CRYL1: variants seen among roughly 807,000 people sequenced by gnomAD.
CRYL1 encodes lambda-crystallin homolog.
In CRYL1, 29 loss-of-function variants were observed where a neutral mutation model predicts 36.6. The observed-to-expected ratio is 0.79, with a 90% CI of 0.59 to 1.08. CRYL1 has a LOEUF of 1.08. CRYL1 is among the 50% of genes least tolerant of loss of function. The probability of loss-of-function intolerance (pLI) is 0.00; values close to 1 mark genes in which losing one functional copy is unlikely to be tolerated. For synonymous variants in CRYL1, 152 were observed against 151.5 expected (o/e 1.00, Z -0.02); for missense variants, 411 against 407.9 (o/e 1.01, Z -0.06).
intron 6 of CRYL1, among the ~76,000 whole-genome samples, chr13:20,410,379 G>A (rs894743449): frequency 7.6e-6 from 1 of 130,728 alleles, no homozygotes; most frequent in South Asian, 2.6e-4. Flanking sequence ...TCTGGGGACT[G>A]TAGTGGGGTG....
chr13:20,435,639 G>A lies in CRYL1; in HGVS notation c.439-3343C>T, dbSNP rs1044452645. On this transcript the variant is annotated intron_variant, in intron 4 of 7. Transcript: ENST00000298248. This position sits in a 1 kb window ranked among gnomAD's most constrained non-coding sequence, Gnocchi z 4.0. ...AAACCTTCCATGTGGGAGTGTGCGA[G>A]GTGGACTCGGAAACACGCCCCCGAA... Among the ~76,000 whole-genome samples the A allele has an allele frequency of 6.6e-6, 1 of 152,158 alleles. No homozygotes were observed. The highest frequency in any genetic ancestry group is 2.4e-5 in the African/African-American group (1 of 41,456).
At chr13:20,417,323 G>A (rs934535505) in intron 5 of CRYL1, among the ~76,000 whole-genome samples, 7 of 152,200 alleles carry the variant, frequency 4.6e-5, no homozygotes, top group East Asian at 1.9e-4. Context: ...ATAAATAATC[G>A]CAGCAGCATG....
At chr13:20,413,492 C>T (rs893907221) in intron 5 of CRYL1, 105 bp from the exon 6 acceptor site, 5 of 687,496 alleles carry the variant, frequency 7.3e-6, no homozygotes, top group African/African-American at 7.1e-5. Flanking sequence ...AAATCTTCTC[C>T]AAAGCACTAT....
chr13:20,506,756 A>G (rs1211794389), intron 2 of CRYL1, among the ~76,000 whole-genome samples: 1 of 152,216 alleles, frequency 6.6e-6, no homozygotes, highest in Non-Finnish European at 1.5e-5. Flanking sequence ...TGAAATGATA[A>G]CAGAATTGAA....
At chr13:20,505,381 A>AAAAAAAAAAAAAAAAAAAAAAAAAT (rs1292225610) in intron 2 of CRYL1, among the ~76,000 whole-genome samples, 2 of 138,840 alleles carry the variant, frequency 1.4e-5, no homozygotes, top group African/African-American at 5.4e-5. Flanking sequence ...AAAAAAAAAA[A>AAAAAAAAAAAAAAAAAAAAAAAAAT]ATCAGAATAT....
intron 2 of CRYL1, among the ~76,000 whole-genome samples, chr13:20,511,318 C>T (rs1333709928): frequency 2.0e-5 from 3 of 152,070 alleles, no homozygotes; most frequent in Non-Finnish European, 4.4e-5. Context: ...TCTTGAACTC[C>T]TGGCCTCAAA....
chr13:20,452,115 A>G (rs902926228), intron 3 of CRYL1, among the ~76,000 whole-genome samples: 1 of 152,182 alleles, frequency 6.6e-6, no homozygotes, highest in African/African-American at 2.4e-5. Flanking sequence ...TGGCAACCAC[A>G]GATACCAGGG....
intron 2 of CRYL1, among the ~76,000 whole-genome samples, chr13:20,507,842 T>C (rs925510978): frequency 9.6e-5 from 14 of 145,964 alleles, no homozygotes; most frequent in East Asian, 6.1e-4. Flanking sequence ...GGCATGAACC[T>C]GGGAGGCGGA....
At position 20,435,833 on chromosome 13, in the gene CRYL1, G is replaced by T. The variant is rs1038819168; in HGVS notation, c.439-3537C>A. 2.0e-5 allele frequency among the ~76,000 whole-genome samples: 3 copies of T among 152,144 alleles called. No homozygotes were observed. Among genetic ancestry groups the T allele is most frequent in the Non-Finnish European group, 4.4e-5 (3 of 68,014 alleles). On this transcript the variant is annotated intron_variant, in intron 4 of 7. Transcript: ENST00000298248. The surrounding 1 kb of genome is among the most constrained non-coding windows in gnomAD (Gnocchi z 4.0). ...CCCCCGCTCCGGGAGCAACCAAAAC[G>T]GCGAGGCCCACAGGGCCGACAGCGC...
chr13:20,509,693 C>T (rs1430506472), intron 2 of CRYL1, among the ~76,000 whole-genome samples: 9 of 151,904 alleles, frequency 5.9e-5, no homozygotes, highest in Admixed American at 2.6e-4. Flanking sequence ...TTTGGGAGGC[C>T]GAGGCGGGTG....
chr13:20,517,885 G>C (rs1415163523), intron 1 of CRYL1, among the ~76,000 whole-genome samples: 2 of 140,446 alleles, frequency 1.4e-5, no homozygotes, highest in African/African-American at 5.3e-5. Context: ...GCAGTGAGCC[G>C]AGATCACACC....
intron 5 of CRYL1, among the ~76,000 whole-genome samples, chr13:20,420,695 T>G (rs1418205292): frequency 1.1e-5 from 1 of 88,962 alleles, no homozygotes; most frequent in Non-Finnish European, 2.4e-5. Flanking sequence ...TTCTTTAAAA[T>G]AGAGGTTGTG....
At chr13:20,412,129 C>A (rs1210743320) in intron 6 of CRYL1, among the ~76,000 whole-genome samples, 3 of 152,128 alleles carry the variant, frequency 2.0e-5, no homozygotes, top group African/African-American at 4.8e-5. Flanking sequence ...CCCTTTTCAG[C>A]TTACCCACTT....
chr13:20,522,911 CTTTTTTT>C (rs386378385), intron 1 of CRYL1, among the ~76,000 whole-genome samples: 2 of 82,956 alleles, frequency 2.4e-5, no homozygotes, highest in East Asian at 4.2e-4. Context: ...CCCATTTCTA[CTTTTTTT>C]TTTTTTTTTT....
At chr13:20,473,336 T>A (rs1227435284) in intron 3 of CRYL1, among the ~76,000 whole-genome samples, 1 of 152,232 alleles carries the variant, frequency 6.6e-6, no homozygotes, top group African/African-American at 2.4e-5. Context: ...GAGACAGCTA[T>A]ATTTTATGTG....
chr13:20,428,762 G>A lies in CRYL1; in HGVS notation c.633+3340C>T, dbSNP rs971854321. ...TGATTTGTGCAGAGCTGCCTCACCT[G>A]CAGATGGCAGGGGTGGCAGGGAACG... On this transcript the variant is annotated intron_variant, in intron 5 of 7. Coordinates refer to ENST00000298248, the MANE Select transcript of CRYL1 (RefSeq NM_015974.3). Among the ~76,000 whole-genome samples, 9 of 152,196 alleles carry A rather than the reference G, an allele frequency of 5.9e-5. 1 individual carries two copies. The highest frequency in any genetic ancestry group is 1.0e-4 in the Non-Finnish European group (7 of 68,032).
chr13:20,442,371 G>C (rs1382437565), intron 3 of CRYL1, among the ~76,000 whole-genome samples: 3 of 152,146 alleles, frequency 2.0e-5, no homozygotes, highest in Admixed American at 6.5e-5. Flanking sequence ...GCTGGGCTGG[G>C]GTTATAAGGA....
At chr13:20,502,786 C>G (rs967319934) in intron 2 of CRYL1, among the ~76,000 whole-genome samples, 64 of 152,312 alleles carry the variant, frequency 4.2e-4, no homozygotes, top group Non-Finnish European at 1.8e-4. Flanking sequence ...AAAGTTTACA[C>G]TGGAGTATCA....
At chr13:20,416,755 T>C (rs2031677636) in intron 5 of CRYL1, among the ~76,000 whole-genome samples, 1 of 152,174 alleles carries the variant, frequency 6.6e-6, no homozygotes, top group South Asian at 2.1e-4. Context: ...AGAAAAAAGG[T>C]GAGCCACTCA....
Sources: allele counts gnomAD v4.1 joint callset (sites outside exome capture counted in the v4.1 genomes callset), GRCh38; gene constraint gnomAD v4.1.1; non-coding constraint Gnocchi (gnomAD v3.1); transcripts MANE v1.5; gene names NCBI Gene and HGNC (gene_info 2026-07-23, HGNC 2026-07-21).